The following CDC42BPB variants were observed in gnomAD, a reference collection of about 807,000 sequenced individuals.
CDC42BPB encodes the protein serine/threonine-protein kinase MRCK beta.
A neutral mutation model predicts 214.9 loss-of-function variants in CDC42BPB; 37 were observed. That is an observed-to-expected ratio of 0.17 (90% CI 0.13 to 0.23). The LOEUF is 0.23. CDC42BPB is among the 10% of genes least tolerant of loss of function. The pLI is 1.00. For synonymous variants in CDC42BPB, 931 were observed against 884.0 expected (o/e 1.05, Z -0.94); for missense variants, 1,694 against 2,227.0 (o/e 0.76, Z 4.82).
Position 102,970,902 on chromosome 14 carries a change from G to GA in CDC42BPB, c.1885-642dup, listed in dbSNP as rs796066021. 1.4e-4 allele frequency among the ~76,000 whole-genome samples: 22 copies of GA among 152,330 alleles called. 1 individual carries two copies. Among genetic ancestry groups the GA allele is most frequent in the African/African-American group, 5.3e-4 (22 of 41,574 alleles). ...AGAGCCCTGAACTTGAAAGGAACAG[G>GA]AGCATGTGCTTCCAGGCCTTCTCAT... On this transcript the variant is annotated intron_variant, in intron 13 of 36. Transcript: ENST00000361246.
Position 102,944,586 on chromosome 14 carries a change from C to A in CDC42BPB, c.3812-99G>T, listed in dbSNP as rs2139364985. On this transcript the variant is annotated intron_variant, in intron 29 of 36. Transcript: ENST00000361246. This position sits in a 1 kb window ranked among gnomAD's most constrained non-coding sequence, Gnocchi z 6.6. The stretch of plus-strand genomic sequence containing the variant: ...AAGACTTGCCTGGAACACTCTGGGG[C>A]CCTCCCCTGGGCTCCCTTCCTGTGT... The A allele has an allele frequency of 6.7e-7, 1 of 1,500,650 alleles. No individual in the cohort carries two copies. Among genetic ancestry groups the A allele is most frequent in the Admixed American group, 2.3e-5 (1 of 43,216 alleles). 93.0% of individuals were successfully genotyped at this position (1,500,650 alleles called of 1,614,324 possible). A position where few individuals can be genotyped will look rare whatever the true frequency, so the allele number is the denominator to read the frequency against.
intron 1 of CDC42BPB, among the ~76,000 whole-genome samples, chr14:103,046,679 A>T (rs1259748936): frequency 6.6e-6 from 1 of 152,122 alleles, no homozygotes; most frequent in Non-Finnish European, 1.5e-5. Flanking sequence ...TTTTGGAGAC[A>T]GTCTCTCTCT....
At chr14:102,973,071 G>C (rs772572667) in intron 12 of CDC42BPB, among the ~76,000 whole-genome samples, 32 of 152,212 alleles carry the variant, frequency 2.1e-4, no homozygotes, top group Non-Finnish European at 3.8e-4. Context: ...TGGCAGTTCA[G>C]TCACTGTCAC....
At chr14:102,957,566 G>A (rs558763942) in intron 21 of CDC42BPB, among the ~76,000 whole-genome samples, 7 of 152,310 alleles carry the variant, frequency 4.6e-5, no homozygotes, top group South Asian at 2.1e-4. Flanking sequence ...GGCACTTACC[G>A]GTTAAATAGA....
intron 2 of CDC42BPB, among the ~76,000 whole-genome samples, chr14:103,011,692 C>A (rs1361109331): frequency 6.6e-6 from 1 of 152,086 alleles, no homozygotes. Flanking sequence ...TGCCGTTAGC[C>A]AAGATCGCGC....
intron 11 of CDC42BPB, among the ~76,000 whole-genome samples, chr14:102,974,537 G>T (rs1473156093): frequency 6.6e-6 from 1 of 152,226 alleles, no homozygotes; most frequent in African/African-American, 2.4e-5. Flanking sequence ...CTCAATCAAA[G>T]AAGTCTGTTT....
chr14:102,938,053 C>T, intron 36 of CDC42BPB, 51 bp downstream of exon 36: 2 of 1,587,302 alleles, frequency 1.3e-6, no homozygotes, highest in Non-Finnish European at 1.7e-6. Flanking sequence ...GCTGCTTTTC[C>T]TCCTGCAGTG....
chr14:102,981,346 C>T (rs929243274), intron 7 of CDC42BPB, among the ~76,000 whole-genome samples: 4 of 152,200 alleles, frequency 2.6e-5, no homozygotes, highest in Admixed American at 2.0e-4. Context: ...GCACAGTGCA[C>T]GCGTCACGGC....
chr14:102,937,373 G>C (rs755981793), intron 36 of CDC42BPB, among the ~76,000 whole-genome samples: 2 of 152,254 alleles, frequency 1.3e-5, no homozygotes, highest in Non-Finnish European at 2.9e-5. Context: ...AGGAAGAGAC[G>C]CTGACCTTGG....
intron 11 of CDC42BPB, 46 bp downstream of exon 11, chr14:102,975,638 A>G (rs1312380130): frequency 1.9e-6 from 3 of 1,591,938 alleles, no homozygotes; most frequent in Non-Finnish European, 2.6e-6. Flanking sequence ...TTAAGACAGT[A>G]ATGACCAAAA....
chr14:103,052,771 G>A (rs970005148), intron 1 of CDC42BPB, among the ~76,000 whole-genome samples: 1 of 152,204 alleles, frequency 6.6e-6, no homozygotes, highest in Non-Finnish European at 1.5e-5. Context: ...CTGGTCTGAC[G>A]GCCACACAGC....
At chr14:103,056,561 A>AGGTGCGGGGGCG in intron 1 of CDC42BPB, among the ~76,000 whole-genome samples, 1 of 125,834 alleles carries the variant, frequency 7.9e-6, no homozygotes, top group Non-Finnish European at 1.7e-5. Context: ...CCCAAAGGCG[A>AGGTGCGGGGGCG]GGTGCGGGGG....
chr14:102,942,190 C>T (rs530352275), intron 30 of CDC42BPB, among the ~76,000 whole-genome samples: 26 of 152,266 alleles, frequency 1.7e-4, no homozygotes, highest in African/African-American at 5.5e-4. Flanking sequence ...CTGGCCCCTT[C>T]CTGCACCTCA....
At chr14:103,048,702 C>T (rs1018961983) in intron 1 of CDC42BPB, among the ~76,000 whole-genome samples, 8 of 146,492 alleles carry the variant, frequency 5.5e-5, no homozygotes, top group African/African-American at 1.0e-4. Flanking sequence ...AGCAAGACTC[C>T]GTCTCAAAAA....
chr14:102,966,387 C>T lies in CDC42BPB; in HGVS notation c.2472G>A (p.Trp824Ter). 1 of 1,613,398 alleles carries T rather than the reference C, an allele frequency of 6.2e-7. No individual in the cohort carries two copies. Among genetic ancestry groups the T allele is most frequent in the Non-Finnish European group, 8.5e-7 (1 of 1,179,524 alleles). ...WEAQIAEIIQ[W>*]VSDEKDARGY... ...CCCGGGCATCTTTCTCGTCACTGAC[C>T]CTGGAGGAGGGAACAGATGTTCTAT... Residue 824 changes from tryptophan to a stop codon, truncating the protein, a stop_gained and splice_region_variant, in exon 18 of 37, where the codon TGG becomes TGA. Transcript: ENST00000361246. LOFTEE classifies it high-confidence loss of function.
intron 5 of CDC42BPB, among the ~76,000 whole-genome samples, chr14:102,998,881 C>T (rs1441974192): frequency 5.3e-5 from 8 of 151,952 alleles, no homozygotes; most frequent in Admixed American, 3.3e-4. Context: ...CTGAGCCCCA[C>T]GTGAGCCCCA....
chr14:103,053,815 A>G (rs1026934184), intron 1 of CDC42BPB, among the ~76,000 whole-genome samples: 3 of 151,894 alleles, frequency 2.0e-5, no homozygotes, highest in Admixed American at 6.6e-5. Flanking sequence ...CACTGTGGCA[A>G]TAAGAAAATA....
intron 1 of CDC42BPB, among the ~76,000 whole-genome samples, chr14:103,043,206 T>C (rs1211826355): frequency 6.6e-6 from 1 of 152,172 alleles, no homozygotes; most frequent in Non-Finnish European, 1.5e-5. Flanking sequence ...ATCACGCCAC[T>C]GCACTCCAGC....
chr14:103,041,731 G>T (rs1888009958), intron 1 of CDC42BPB: 1 of 547,422 alleles, frequency 1.8e-6, no homozygotes, highest in Admixed American at 3.0e-5. Context: ...TCACAAGAAG[G>T]TGGCCCAGAC....
Sources: gnomAD v4.1 joint callset for allele counts (sites outside exome capture counted in the v4.1 genomes callset) on GRCh38, gnomAD v4.1.1 for gene constraint, Gnocchi (gnomAD v3.1) non-coding constraint, MANE v1.5 for transcripts, NCBI Gene and HGNC (gene_info 2026-07-23, HGNC 2026-07-21) for gene names.